SCHIP1: variants seen among roughly 807,000 people sequenced by gnomAD.
SCHIP1 encodes schwannomin-interacting protein 1.
In SCHIP1, 8 loss-of-function variants were observed where a neutral mutation model predicts 29.7. The observed-to-expected ratio is 0.27, with a 90% CI of 0.16 to 0.49. SCHIP1 has a LOEUF of 0.49. SCHIP1 is among the 20% of genes least tolerant of loss of function. The probability of loss-of-function intolerance (pLI) is 0.99; values close to 1 mark genes in which losing one functional copy is unlikely to be tolerated. For missense variants in SCHIP1, 193 were observed against 294.6 expected (o/e 0.66, Z 2.52); for synonymous variants, 76 against 94.9 (o/e 0.80, Z 1.16).
chr3:159,307,153 G>A, the SCHIP1 span, among the ~76,000 whole-genome samples: 1 of 152,302 alleles, frequency 6.6e-6, no homozygotes. Context: ...CAATGAAAAT[G>A]ATAAGTTAAT....
At chr3:159,858,048 G>A (rs948313641) in intron 1 of SCHIP1, among the ~76,000 whole-genome samples, 1 of 152,172 alleles carries the variant, frequency 6.6e-6, no homozygotes, top group Admixed American at 6.5e-5. Context: ...TGCTGATTAA[G>A]GCTTGGCTGT....
intron 1 of SCHIP1, among the ~76,000 whole-genome samples, chr3:159,856,182 G>A (rs1233810332): frequency 6.6e-6 from 1 of 152,162 alleles, no homozygotes; most frequent in African/African-American, 2.4e-5. Context: ...CAGCATCTAA[G>A]TCAGTGTCCT....
chr3:159,425,330 T>C, the SCHIP1 span, among the ~76,000 whole-genome samples: 1 of 150,950 alleles, frequency 6.6e-6, no homozygotes, highest in African/African-American at 2.4e-5. Context: ...AGGCTCAAAA[T>C]AAAAGGATGG....
At chr3:159,733,573 T>G in the SCHIP1 span, among the ~76,000 whole-genome samples, 1 of 152,206 alleles carries the variant, frequency 6.6e-6, no homozygotes, top group Non-Finnish European at 1.5e-5. Flanking sequence ...GAGGCAGTGG[T>G]TTCTCTACAG....
At chr3:159,595,084 C>G in the SCHIP1 span, among the ~76,000 whole-genome samples, 1 of 152,166 alleles carries the variant, frequency 6.6e-6, no homozygotes, top group Non-Finnish European at 1.5e-5. Flanking sequence ...GAGGCATGTT[C>G]TGCTAGTGGT....
the SCHIP1 span, among the ~76,000 whole-genome samples, chr3:159,540,873 G>A: frequency 6.6e-6 from 1 of 152,056 alleles, no homozygotes; most frequent in Non-Finnish European, 1.5e-5. Context: ...TATACCAGAT[G>A]TTCCTGTTCT....
At chr3:159,658,940 C>G in the SCHIP1 span, among the ~76,000 whole-genome samples, 1 of 152,170 alleles carries the variant, frequency 6.6e-6, no homozygotes, top group African/African-American at 2.4e-5. Context: ...ATCCAACAAA[C>G]GTTTACTCTG....
At chr3:159,333,668 A>G in the SCHIP1 span, among the ~76,000 whole-genome samples, 136 of 152,316 alleles carry the variant, frequency 8.9e-4, no homozygotes, top group Non-Finnish European at 1.4e-3. Flanking sequence ...GCCTTCTTAC[A>G]ATACTTGTTT....
chr3:159,585,936 G>A, the SCHIP1 span, among the ~76,000 whole-genome samples: 1 of 152,070 alleles, frequency 6.6e-6, no homozygotes, highest in East Asian at 1.9e-4. Context: ...TACCTACCTA[G>A]TGCCTAGCAT....
chr3:159,555,470 A>G, the SCHIP1 span, among the ~76,000 whole-genome samples: 1 of 152,366 alleles, frequency 6.6e-6, no homozygotes, highest in Non-Finnish European at 1.5e-5. Flanking sequence ...TGGTCACAGT[A>G]TGTGGGAACT....
chr3:159,331,602 A>G, the SCHIP1 span, among the ~76,000 whole-genome samples: 4 of 152,094 alleles, frequency 2.6e-5, no homozygotes, highest in East Asian at 5.8e-4. Flanking sequence ...TCCAGGCAGG[A>G]ACCCCTCTCC....
At chr3:159,521,430 T>C in the SCHIP1 span, among the ~76,000 whole-genome samples, 7 of 152,214 alleles carry the variant, frequency 4.6e-5, no homozygotes, top group Non-Finnish European at 7.3e-5. Flanking sequence ...AAAATCTGGA[T>C]TTATGGCTTC....
chr3:159,801,761 G>A, the SCHIP1 span, among the ~76,000 whole-genome samples: 1 of 151,802 alleles, frequency 6.6e-6, no homozygotes, highest in Middle Eastern at 3.4e-3. Context: ...TAAAATTCTG[G>A]TACACACAGT....
At chr3:159,498,999 T>C in the SCHIP1 span, among the ~76,000 whole-genome samples, 1 of 152,314 alleles carries the variant, frequency 6.6e-6, no homozygotes, top group South Asian at 2.1e-4. Context: ...CTGAGTGCCT[T>C]GACCCTGGGC....
chr3:159,517,159 G>T, the SCHIP1 span, among the ~76,000 whole-genome samples: 18 of 151,922 alleles, frequency 1.2e-4, no homozygotes. Flanking sequence ...AGCACACTGT[G>T]GCAAATTTTA....
chr3:159,689,251 GT>G, the SCHIP1 span, among the ~76,000 whole-genome samples: 1 of 152,110 alleles, frequency 6.6e-6, no homozygotes, highest in African/African-American at 2.4e-5. Flanking sequence ...TCTTCCATTT[GT>G]TTGTGTCCTC....
At position 159,869,548 on chromosome 3, in the gene SCHIP1, T is replaced by C. The variant is rs1715014697; in HGVS notation, c.149+3267T>C. On this transcript the variant is annotated intron_variant, in intron 2 of 6. Coordinates refer to ENST00000445224, the Ensembl canonical transcript of SCHIP1. ...CATATATACTGTATGTTAATGGAAATATATTCTATTTTATTATTGTTTCTA... is the reference window on the plus strand; with the variant it reads ...CATATATACTGTATGTTAATGGAAACATATTCTATTTTATTATTGTTTCTA... Among the ~76,000 whole-genome samples, 3 of 151,962 alleles carry C rather than the reference T, an allele frequency of 2.0e-5. No homozygotes were observed. The South Asian group carries it at 6.2e-4, about 31-fold the overall frequency.
the SCHIP1 span, among the ~76,000 whole-genome samples, chr3:159,428,733 A>G: frequency 1.3e-4 from 19 of 151,936 alleles, no homozygotes; most frequent in African/African-American, 4.6e-4. Flanking sequence ...GCTGCTATAA[A>G]GACAGATACA....
chr3:159,312,314 T>C, the SCHIP1 span, among the ~76,000 whole-genome samples: 1 of 152,176 alleles, frequency 6.6e-6, no homozygotes, highest in African/African-American at 2.4e-5. Flanking sequence ...GGTGAGAAAG[T>C]GGTGATCTAT....
Sources: gnomAD v4.1 joint callset for allele counts (sites outside exome capture counted in the v4.1 genomes callset) on GRCh38, gnomAD v4.1.1 for gene constraint, MANE v1.5 for transcripts, NCBI Gene and HGNC (gene_info 2026-07-23, HGNC 2026-07-21) for gene names.